The following MAPK4 variants were observed in gnomAD, a reference collection of about 807,000 sequenced individuals.
MAPK4 encodes mitogen-activated protein kinase 4.
Under a neutral mutation model 47.7 loss-of-function variants are expected in MAPK4, and 22 were observed. The ratio of observed to expected loss-of-function variants is 0.46; its 90% CI spans 0.33 to 0.66. MAPK4 has a LOEUF of 0.66. MAPK4 is among the 30% of genes least tolerant of loss of function. MAPK4 has a pLI of 0.02. For synonymous variants in MAPK4, 390 were observed against 365.7 expected (o/e 1.07, Z -0.76); for missense variants, 736 against 831.7 (o/e 0.88, Z 1.42).
intron 2 of MAPK4, among the ~76,000 whole-genome samples, chr18:50,700,797 G>A (rs374560888): frequency 3.9e-5 from 6 of 152,144 alleles, no homozygotes; most frequent in African/African-American, 1.4e-4. Context: ...TTGGGGGTGG[G>A]GGACAGGGAA....
intron 1 of MAPK4, among the ~76,000 whole-genome samples, chr18:50,593,983 G>A (rs549603492): frequency 2.0e-5 from 3 of 152,146 alleles, no homozygotes; most frequent in South Asian, 4.1e-4. Context: ...TCAAAAGCAG[G>A]GAAGCTGATA....
chr18:50,581,085 A>G (rs1308612670), intron 1 of MAPK4, among the ~76,000 whole-genome samples: 1 of 152,234 alleles, frequency 6.6e-6, no homozygotes, highest in Non-Finnish European at 1.5e-5. Flanking sequence ...GGGCACTCTC[A>G]ACATCCTAAA....
At chr18:50,699,156 C>T (rs937502317) in intron 2 of MAPK4, among the ~76,000 whole-genome samples, 7 of 151,916 alleles carry the variant, frequency 4.6e-5, no homozygotes, top group Non-Finnish European at 1.0e-4. Context: ...AAAAAAAGAC[C>T]CCATGATCAT....
chr18:50,608,566 T>C (rs2042603127), intron 1 of MAPK4, among the ~76,000 whole-genome samples: 2 of 152,184 alleles, frequency 1.3e-5, no homozygotes, highest in South Asian at 2.1e-4. Context: ...AAGAGAGATT[T>C]TGGGGGCCAT....
At chr18:50,714,042 C>A (rs1910507447) in intron 2 of MAPK4, among the ~76,000 whole-genome samples, 1 of 152,142 alleles carries the variant, frequency 6.6e-6, no homozygotes, top group Admixed American at 6.5e-5. Flanking sequence ...TGGGTCCTGG[C>A]CTTCTTAACT....
chr18:50,698,870 CA>C (rs1358155602), intron 2 of MAPK4, among the ~76,000 whole-genome samples: 1 of 151,950 alleles, frequency 6.6e-6, no homozygotes, highest in East Asian at 1.9e-4. Flanking sequence ...ACTAAAAATA[CA>C]AAAATTAGCT....
At position 50,664,992 on chromosome 18, in the gene MAPK4, A is replaced by C. The variant is rs1286307485; in HGVS notation, c.546+488A>C. Among the ~76,000 whole-genome samples the C allele has an allele frequency of 6.6e-6, 1 of 152,152 alleles. No homozygotes were observed. Among genetic ancestry groups the C allele is most frequent in the Non-Finnish European group, 1.5e-5 (1 of 68,030 alleles). The stretch of plus-strand genomic sequence containing the variant: ...GGTGTCCATTTCTCTCAGTCAGTGG[A>C]CAGCAGGCACAAATTGTTGATCTGA... On this transcript the variant is annotated intron_variant, in intron 2 of 5. Coordinates refer to ENST00000400384, the MANE Select transcript of MAPK4 (RefSeq NM_002747.4). This position sits in a 1 kb window ranked among gnomAD's most constrained non-coding sequence, Gnocchi z 6.0.
At chr18:50,634,437 C>T (rs532304925) in intron 1 of MAPK4, among the ~76,000 whole-genome samples, 75 of 151,514 alleles carry the variant, frequency 5.0e-4, no homozygotes, top group African/African-American at 1.6e-3. Context: ...GACTGGGAAA[C>T]GGTAGCCGAA....
At chr18:50,670,728 G>A (rs1471449488) in intron 2 of MAPK4, among the ~76,000 whole-genome samples, 1 of 145,046 alleles carries the variant, frequency 6.9e-6, no homozygotes, top group Non-Finnish European at 1.5e-5. Flanking sequence ...CTGCACTCCA[G>A]TCTGGGCAAC....
intron 1 of MAPK4, among the ~76,000 whole-genome samples, chr18:50,584,767 T>C (rs1159390022): frequency 6.6e-6 from 1 of 152,258 alleles, no homozygotes; most frequent in Admixed American, 6.5e-5. Context: ...GTTCATTTAA[T>C]TCAGGAGCTT....
At chr18:50,619,242 C>T (rs764396823) in intron 1 of MAPK4, among the ~76,000 whole-genome samples, 1 of 152,190 alleles carries the variant, frequency 6.6e-6, no homozygotes, top group Non-Finnish European at 1.5e-5. Context: ...AGTGATCAGC[C>T]ATGATTTGTT....
intron 1 of MAPK4, among the ~76,000 whole-genome samples, chr18:50,606,872 C>T (rs1376880883): frequency 6.6e-6 from 1 of 152,194 alleles, no homozygotes; most frequent in African/African-American, 2.4e-5. Context: ...AGCTGGTGCC[C>T]AGTTCACTGC....
At chr18:50,659,889 C>T (rs1327622397) in intron 1 of MAPK4, among the ~76,000 whole-genome samples, 1 of 152,196 alleles carries the variant, frequency 6.6e-6, no homozygotes, top group Non-Finnish European at 1.5e-5. Context: ...TGAACCACCA[C>T]CTTTGAGCTG....
chr18:50,644,526 T>C (rs1352528950), intron 1 of MAPK4, among the ~76,000 whole-genome samples: 1 of 152,168 alleles, frequency 6.6e-6, no homozygotes, highest in Non-Finnish European at 1.5e-5. Flanking sequence ...AAAGGGCTCC[T>C]TTCCCCTCCC....
In MAPK4 at chr18:50,663,982, C is replaced by T. The variant is rs370265083; in HGVS notation, c.24C>T (p.Ile8=). The T allele has an allele frequency of 7.5e-5, 121 of 1,612,828 alleles. No homozygotes were observed. The Admixed American group carries it at 9.0e-4, about 12-fold the overall frequency. ...CAATGGCTGAGAAGGGTGACTGCAT[C>T]GCCAGTGTCTATGGGTATGACCTCG... MAEKGDC[I]ASVYGYDLGG... is the part of the protein sequence containing the mutation. The change falls in exon 2 of 6, where the codon ATC becomes ATT. Residue 8 remains isoleucine (I), a synonymous_variant. Coordinates refer to ENST00000400384, the MANE Select transcript of MAPK4 (RefSeq NM_002747.4).
intron 1 of MAPK4, among the ~76,000 whole-genome samples, chr18:50,662,406 C>A (rs763323444): frequency 1.3e-5 from 2 of 152,150 alleles, no homozygotes; most frequent in Admixed American, 6.5e-5. Context: ...CTTTGAAGAG[C>A]GAGGTCACAT....
chr18:50,636,459 G>C (rs1171811134), intron 1 of MAPK4, among the ~76,000 whole-genome samples: 1 of 152,182 alleles, frequency 6.6e-6, no homozygotes, highest in Non-Finnish European at 1.5e-5. Flanking sequence ...TTGCAGAATA[G>C]TTCCAAACCT....
chr18:50,591,940 GGACTAGTATGGTCTCT>G (rs1310785433), intron 1 of MAPK4, among the ~76,000 whole-genome samples: 1 of 152,036 alleles, frequency 6.6e-6, no homozygotes, highest in African/African-American at 2.4e-5. Context: ...CTATGAAGGG[GGACTAGTATGGTCTCT>G]GACTGCTGCA....
In MAPK4 at chr18:50,663,910, C is replaced by G; in HGVS notation, c.-49C>G. ...GGCCGCTAGCCGAGACTTGGCCTTTCCTGACTGCCCCTGTGTTACCTGGGC... is the reference window on the plus strand; with the variant it reads ...GGCCGCTAGCCGAGACTTGGCCTTTGCTGACTGCCCCTGTGTTACCTGGGC... On this transcript the variant is annotated 5_prime_UTR_variant, in exon 2 of 6. Coordinates refer to ENST00000400384, the MANE Select transcript of MAPK4 (RefSeq NM_002747.4). 1 of 1,538,058 alleles carries G rather than the reference C, an allele frequency of 6.5e-7. No homozygotes were observed. Among genetic ancestry groups the G allele is most frequent in the African/African-American group, 1.4e-5 (1 of 72,814 alleles).
Sources: allele counts gnomAD v4.1 joint callset (sites outside exome capture counted in the v4.1 genomes callset), GRCh38; gene constraint gnomAD v4.1.1; non-coding constraint Gnocchi (gnomAD v3.1); transcripts MANE v1.5; gene names NCBI Gene and HGNC (gene_info 2026-07-23, HGNC 2026-07-21).